EDEM1: variants seen among roughly 807,000 people sequenced by gnomAD.
EDEM1 encodes ER degradation-enhancing alpha-mannosidase-like protein 1.
Under a neutral mutation model 74.4 loss-of-function variants are expected in EDEM1, and 67 were observed. That is an observed-to-expected ratio of 0.90 (90% CI 0.74 to 1.10). The LOEUF is 1.10. EDEM1 is among the 50% of genes least tolerant of loss of function. The probability of loss-of-function intolerance (pLI) is 0.00; values close to 1 mark genes in which losing one functional copy is unlikely to be tolerated. For missense variants in EDEM1, 926 were observed against 851.6 expected (o/e 1.09, Z -1.09); for synonymous variants, 382 against 335.9 (o/e 1.14, Z -1.50).
chr3:5,212,252 G>C (rs1021341815), intron 10 of EDEM1, among the ~76,000 whole-genome samples: 1 of 152,184 alleles, frequency 6.6e-6, no homozygotes, highest in Non-Finnish European at 1.5e-5. Flanking sequence ...CTCTGTCTGG[G>C]GTCTTTTCAC....
At chr3:5,188,493 G>C (rs973027449) in intron 1 of EDEM1, 179 bp downstream of exon 1, 1 of 629,984 alleles carries the variant, frequency 1.6e-6, no homozygotes. Flanking sequence ...GCTTGAGGGT[G>C]CGGGGTGGGC....
chr3:5,199,235 T>G (rs2055006323), intron 2 of EDEM1, among the ~76,000 whole-genome samples: 1 of 152,268 alleles, frequency 6.6e-6, no homozygotes, highest in African/African-American at 2.4e-5. Context: ...AGTTTTCTGA[T>G]TTATTTGTAT....
chr3:5,206,802 A>T (rs1160970317), intron 6 of EDEM1, among the ~76,000 whole-genome samples: 1 of 152,238 alleles, frequency 6.6e-6, no homozygotes, highest in East Asian at 1.9e-4. Flanking sequence ...CAAAAGAACC[A>T]AGCTTTTCTG....
At chr3:5,205,341 A>G in intron 6 of EDEM1, 100 bp downstream of exon 6, 2 of 1,232,342 alleles carry the variant, frequency 1.6e-6, no homozygotes, top group South Asian at 1.5e-5. Context: ...GGGTCTGTTT[A>G]TCTCTGCCCT....
intron 3 of EDEM1, among the ~76,000 whole-genome samples, chr3:5,201,257 C>G (rs1255630860): frequency 1.3e-5 from 2 of 151,802 alleles, no homozygotes; most frequent in Non-Finnish European, 2.9e-5. Flanking sequence ...TTCAAGAGAT[C>G]GTCCTGCCTC....
chr3:5,211,270 A>G (rs762283919), intron 10 of EDEM1, 54 bp downstream of exon 10: 13 of 1,528,032 alleles, frequency 8.5e-6, no homozygotes, highest in Non-Finnish European at 1.2e-5. Flanking sequence ...TAGAGCAAGC[A>G]TTCGCATAGT....
At chr3:5,203,902 T>C (rs1421233399) in intron 5 of EDEM1, among the ~76,000 whole-genome samples, 1 of 152,166 alleles carries the variant, frequency 6.6e-6, no homozygotes, top group East Asian at 1.9e-4. Flanking sequence ...CAGCTAATTT[T>C]GTTTATTTTA....
intron 1 of EDEM1, among the ~76,000 whole-genome samples, chr3:5,193,639 C>A (rs895630832): frequency 6.6e-6 from 1 of 151,946 alleles, no homozygotes; most frequent in Non-Finnish European, 1.5e-5. Flanking sequence ...CTCTTGTTGC[C>A]CAGGCTGGAG....
At chr3:5,194,405 T>A (rs1327202864) in intron 1 of EDEM1, among the ~76,000 whole-genome samples, 1 of 152,198 alleles carries the variant, frequency 6.6e-6, no homozygotes, top group South Asian at 2.1e-4. Context: ...TTCTCCCAGA[T>A]GTATTAGTTT....
At chr3:5,191,995 C>T (rs1483926264) in intron 1 of EDEM1, among the ~76,000 whole-genome samples, 2 of 152,180 alleles carry the variant, frequency 1.3e-5, no homozygotes, top group Non-Finnish European at 2.9e-5. Flanking sequence ...TCAAATTAAG[C>T]CAAACAAATA....
intron 4 of EDEM1, among the ~76,000 whole-genome samples, 170 bp from the exon 5 acceptor site, chr3:5,202,796 C>G (rs2055049032): frequency 6.6e-6 from 1 of 152,126 alleles, no homozygotes; most frequent in Non-Finnish European, 1.5e-5. Flanking sequence ...TTGTTTGTGT[C>G]TTTTAAATTT....
intron 1 of EDEM1, among the ~76,000 whole-genome samples, chr3:5,194,141 G>A (rs540809425): frequency 1.3e-5 from 2 of 152,356 alleles, no homozygotes; most frequent in Non-Finnish European, 2.9e-5. Flanking sequence ...AGGGTGATCC[G>A]AGGAGCAGAT....
chr3:5,211,020 G>A, intron 9 of EDEM1, 100 bp from the exon 10 acceptor site: 1 of 1,066,754 alleles, frequency 9.4e-7, no homozygotes, highest in Non-Finnish European at 1.4e-6. Flanking sequence ...GGTGTTGGAT[G>A]ACTGGTTGAT....
At chr3:5,204,990 G>T in intron 5 of EDEM1, 77 bp from the exon 6 acceptor site, 1 of 1,518,442 alleles carries the variant, frequency 6.6e-7, no homozygotes, top group Non-Finnish European at 9.0e-7. Flanking sequence ...AGTGTGGTTG[G>T]AGTAGGAGGC....
intron 1 of EDEM1, among the ~76,000 whole-genome samples, chr3:5,189,774 G>A (rs1474390086): frequency 6.6e-6 from 1 of 152,116 alleles, no homozygotes; most frequent in East Asian, 1.9e-4. Context: ...CTAATTTTTT[G>A]TATTTTTAGT....
intron 5 of EDEM1, 89 bp from the exon 6 acceptor site, chr3:5,204,978 G>C: frequency 7.1e-7 from 1 of 1,406,028 alleles, no homozygotes; most frequent in East Asian, 2.3e-5. Context: ...GTGCTGAGGA[G>C]CAGTGTGGTT....
In EDEM1 at chr3:5,195,195, ATTTTCT is replaced by A. The variant is rs1189067409; in HGVS notation, c.510-8_510-3del. The A allele has an allele frequency of 6.9e-7, 1 of 1,458,096 alleles. No homozygotes were observed. Among genetic ancestry groups the A allele is most frequent in the Admixed American group, 2.4e-5 (1 of 42,348 alleles). 90.3% of individuals were successfully genotyped at this position (1,458,096 alleles called of 1,614,324 possible). On this transcript the variant is annotated splice_region_variant and splice_polypyrimidine_tract_variant and intron_variant, in intron 1 of 11. Transcript: ENST00000256497. ...AATAAAGTCTTTTTGTTGAATTTTAATTTTCTTTTTCAGTTCAAATCTGAACATCAA... is the reference window on the plus strand; with the variant it reads ...AATAAAGTCTTTTTGTTGAATTTTAATTTTCAGTTCAAATCTGAACATCAA...
chr3:5,199,758 A>T, intron 3 of EDEM1, 63 bp downstream of exon 3: 1 of 1,439,000 alleles, frequency 6.9e-7, no homozygotes, highest in Non-Finnish European at 9.6e-7. Flanking sequence ...AAAGAAAAAA[A>T]TACCTTTGAG....
At chr3:5,193,880 G>C (rs965929583) in intron 1 of EDEM1, among the ~76,000 whole-genome samples, 2 of 152,250 alleles carry the variant, frequency 1.3e-5, no homozygotes, top group Admixed American at 6.5e-5. Flanking sequence ...TTACAGGCGT[G>C]AGCCACCGCA....
Sources: gnomAD v4.1 joint callset for allele counts (sites outside exome capture counted in the v4.1 genomes callset) on GRCh38, gnomAD v4.1.1 for gene constraint, MANE v1.5 for transcripts, NCBI Gene and HGNC (gene_info 2026-07-23, HGNC 2026-07-21) for gene names.